The following GPC6 variants were observed in gnomAD, a reference collection of about 807,000 sequenced individuals.
The protein encoded by GPC6 is glypican-6.
Under a neutral mutation model 55.2 loss-of-function variants are expected in GPC6, and 14 were observed. The ratio of observed to expected loss-of-function variants is 0.25; its 90% CI spans 0.17 to 0.40. The LOEUF (loss-of-function observed/expected upper bound fraction) is 0.40, where lower values mean the gene tolerates loss of function less well. Ranked by LOEUF, GPC6 falls within the 10% of genes least tolerant of loss-of-function variation. The pLI is 1.00. For synonymous variants in GPC6, 278 were observed against 259.6 expected, an observed-to-expected ratio of 1.07 and a Z score of -0.68; for missense variants, 641 against 708.5, an observed-to-expected ratio of 0.90 and a Z score of 1.08.
chr13:93,476,634 T>C (rs535943050), intron 1 of GPC6, among the ~76,000 whole-genome samples: 123 of 152,346 alleles, frequency 8.1e-4, no homozygotes, highest in African/African-American at 2.9e-3. Context: ...AACTTTCACA[T>C]TTCTATCACT....
At chr13:94,083,704 T>C (rs1885186882) in intron 4 of GPC6, among the ~76,000 whole-genome samples, 1 of 152,038 alleles carries the variant, frequency 6.6e-6, no homozygotes, top group African/African-American at 2.4e-5. Context: ...GTAGATGTTA[T>C]ATATCATTAA....
At chr13:94,311,577 A>G (rs573760400) in intron 6 of GPC6, among the ~76,000 whole-genome samples, 8 of 152,368 alleles carry the variant, frequency 5.3e-5, no homozygotes, top group Admixed American at 5.2e-4. Context: ...CACCTGTGAC[A>G]TCATAGTGTT....
intron 4 of GPC6, among the ~76,000 whole-genome samples, chr13:94,058,022 C>T (rs1884188619): frequency 6.6e-6 from 1 of 152,152 alleles, no homozygotes; most frequent in African/African-American, 2.4e-5. Context: ...ATATCATAAG[C>T]ATATTCAAAG....
At chr13:93,985,636 G>A (rs987936092) in intron 3 of GPC6, among the ~76,000 whole-genome samples, 1 of 144,142 alleles carries the variant, frequency 6.9e-6, no homozygotes, top group African/African-American at 2.5e-5. Context: ...AGGCCACAGT[G>A]GGCCATAATT....
chr13:94,290,256 C>G (rs1179577979), intron 5 of GPC6, among the ~76,000 whole-genome samples: 5 of 151,802 alleles, frequency 3.3e-5, no homozygotes, highest in Admixed American at 2.0e-4. Flanking sequence ...ACTCCCATCT[C>G]TATAAAAAAT....
intron 3 of GPC6, among the ~76,000 whole-genome samples, chr13:93,968,720 C>G (rs1353388923): frequency 1.3e-5 from 2 of 152,102 alleles, no homozygotes; most frequent in Non-Finnish European, 1.5e-5. Flanking sequence ...AAAGGTGATT[C>G]CATTAGATCC....
Position 94,121,088 on chromosome 13 carries a change from C to T in GPC6, c.877+93194C>T, listed in dbSNP as rs1053950474. On this transcript the variant is annotated intron_variant, in intron 4 of 8. Transcript: ENST00000377047. ...CTAGAAAATGTTAATGGAGAATCAA[C>T]GCTGGGTACAGATCTAGTGCAGAGT... Among the ~76,000 whole-genome samples the T allele has an allele frequency of 1.2e-4, 19 of 152,184 alleles. No homozygotes were observed. In the East Asian group the frequency reaches 1.4e-3, roughly 11 times the overall value.
At chr13:94,017,715 G>T (rs1882523154) in intron 3 of GPC6, among the ~76,000 whole-genome samples, 1 of 152,036 alleles carries the variant, frequency 6.6e-6, no homozygotes, top group Non-Finnish European at 1.5e-5. Context: ...GTCTCACTCT[G>T]TCACCCAGGC....
chr13:94,248,148 T>C (rs1891252367), intron 4 of GPC6, among the ~76,000 whole-genome samples: 1 of 152,154 alleles, frequency 6.6e-6, no homozygotes, highest in African/African-American at 2.4e-5. Flanking sequence ...ATTAGGATCA[T>C]AGTTGTAGAA....
chr13:93,538,510 C>A (rs76726117), intron 1 of GPC6, among the ~76,000 whole-genome samples: 1 of 152,280 alleles, frequency 6.6e-6, no homozygotes, highest in South Asian at 2.1e-4. Context: ...CAATTGTGCT[C>A]ACATGCCCCA....
At chr13:93,753,083 G>A (rs4366594) in intron 2 of GPC6, among the ~76,000 whole-genome samples, 100,605 of 152,010 alleles carry the variant, frequency 0.66, 34,330 homozygotes, top group African/African-American at 0.81. Context: ...TCTTGCTTGC[G>A]CTCTGGTAGG....
intron 1 of GPC6, chr13:93,450,733 A>G (rs1315593039): frequency 8.6e-5 from 84 of 973,502 alleles, no homozygotes; most frequent in Non-Finnish European, 9.9e-5. Flanking sequence ...GTATTTCATA[A>G]AATACAGTTT....
At chr13:93,891,427 A>C (rs1178435682) in intron 3 of GPC6, among the ~76,000 whole-genome samples, 1 of 152,122 alleles carries the variant, frequency 6.6e-6, no homozygotes, top group Non-Finnish European at 1.5e-5. Flanking sequence ...TTGGCCATGC[A>C]ATATGCTGAC....
At chr13:93,945,036 C>G (rs1425134068) in intron 3 of GPC6, among the ~76,000 whole-genome samples, 1 of 152,148 alleles carries the variant, frequency 6.6e-6, no homozygotes, top group Non-Finnish European at 1.5e-5. Context: ...TCTACTGAGA[C>G]TAGGTCTCCC....
intron 1 of GPC6, among the ~76,000 whole-genome samples, chr13:93,378,190 T>G (rs542877301): frequency 5.8e-4 from 89 of 152,352 alleles, no homozygotes; most frequent in African/African-American, 2.0e-3. Context: ...TATATAGTTT[T>G]GAAATCAGAA....
At chr13:93,909,112 C>A (rs977154281) in intron 3 of GPC6, among the ~76,000 whole-genome samples, 11 of 152,144 alleles carry the variant, frequency 7.2e-5, no homozygotes, top group Non-Finnish European at 8.8e-5. Flanking sequence ...TTTCCGTAGC[C>A]TATAACTGTG....
chr13:93,605,978 A>G (rs1420236081), intron 2 of GPC6, among the ~76,000 whole-genome samples: 1 of 152,144 alleles, frequency 6.6e-6, no homozygotes, highest in Non-Finnish European at 1.5e-5. Context: ...TAGGGTTAAG[A>G]AGGACAGCTA....
intron 1 of GPC6, among the ~76,000 whole-genome samples, chr13:93,414,013 A>G (rs1173658824): frequency 6.6e-6 from 1 of 152,200 alleles, no homozygotes; most frequent in Non-Finnish European, 1.5e-5. Flanking sequence ...TCCCACCAAA[A>G]AGAATAAACC....
intron 2 of GPC6, among the ~76,000 whole-genome samples, chr13:93,676,127 ATATATAT>A (rs1422762243): frequency 0.011 from 120 of 10,610 alleles, 2 homozygotes; most frequent in Middle Eastern, 0.12. Context: ...AAAAAAAAAA[ATATATAT>A]ATATATATAT....
Sources: gnomAD v4.1 joint callset for allele counts (sites outside exome capture counted in the v4.1 genomes callset) on GRCh38, gnomAD v4.1.1 for gene constraint, MANE v1.5 for transcripts, NCBI Gene and HGNC (gene_info 2026-07-23, HGNC 2026-07-21) for gene names.